The following MUC4 variants were observed in gnomAD, a reference collection of about 807,000 sequenced individuals.
MUC4 encodes the protein mucin 4, cell surface associated.
Under a neutral mutation model 257.9 loss-of-function variants are expected in MUC4, and 202 were observed. The ratio of observed to expected loss-of-function variants is 0.78; its 90% CI spans 0.70 to 0.88. The LOEUF is 0.88. MUC4 is among the 40% of genes least tolerant of loss of function. The probability of loss-of-function intolerance (pLI) is 0.00; values close to 1 mark genes in which losing one functional copy is unlikely to be tolerated. For synonymous variants in MUC4, 2,351 were observed against 2,757.1 expected, an observed-to-expected ratio of 0.85 and a Z score of 4.62; for missense variants, 5,976 against 6,513.7, an observed-to-expected ratio of 0.92 and a Z score of 2.84.
intron 1 of MUC4, among the ~76,000 whole-genome samples, chr3:195,803,820 G>A (rs1424227486): frequency 6.6e-6 from 1 of 152,202 alleles, no homozygotes; most frequent in African/African-American, 2.4e-5. Flanking sequence ...CGAGTGGATG[G>A]AGAGCTGAGG....
Position 195,778,298 on chromosome 3 carries a change from C to T in MUC4, c.12943+5G>A, listed in dbSNP as rs983067703. On this transcript the variant is annotated splice_donor_5th_base_variant and intron_variant, in intron 3 of 24. Coordinates refer to ENST00000463781, the MANE Select transcript of MUC4 (RefSeq NM_018406.7). ...AAGGCACAGGCCTCACCTGTATGGC[C>T]TCACCTCTCTCAGGCAGGATGGGGA... 31 of 1,607,294 alleles carry T rather than the reference C, an allele frequency of 1.9e-5. No homozygotes were observed. Among genetic ancestry groups the T allele is most frequent in the Non-Finnish European group, 2.5e-5 (29 of 1,177,742 alleles).
Position 195,790,994 on chromosome 3 carries a change from GAGA to G in MUC4, c.583_585del (p.Ser195del), listed in dbSNP as rs745492992. The stretch of plus-strand genomic sequence containing the variant: ...TGCGTGCTCCGAGTCCAGTGGTTCT[GAGA>G]AGAAGCTGATGTGTCTTGGATAGAG... On this transcript the variant is annotated inframe_deletion, in exon 2 of 25. Transcript: ENST00000463781. The G allele has an allele frequency of 1.0e-4, 164 of 1,613,874 alleles. No individual in the cohort carries two copies. The Middle Eastern group carries it at 2.0e-3, about 19-fold the overall frequency.
intron 1 of MUC4, among the ~76,000 whole-genome samples, chr3:195,794,328 G>A (rs1734274309): frequency 6.6e-6 from 1 of 150,870 alleles, no homozygotes; most frequent in Admixed American, 6.6e-5. Context: ...TAGTTCCCTA[G>A]CTGTTCTCAA....
At chr3:195,749,305 GTTTCCTAGGGAAA>G (rs1285538622) in intron 23 of MUC4, among the ~76,000 whole-genome samples, 2 of 69,804 alleles carry the variant, frequency 2.9e-5, no homozygotes, top group African/African-American at 2.0e-4. Flanking sequence ...TATGGAAAAA[GTTTCCTAGGGAAA>G]AAGGTTCCTA....
Position 195,791,154 on chromosome 3 carries a change from G to T in MUC4, c.426C>A (p.Thr142=). ...MMTSKTITMT[T]STDSTLGNTE... ...TGTTTCCAAGAGTGGAGTCTGTGGA[G>T]GTTGTCATTGTTATAGTCTTTGATG... Residue 142 remains threonine, a synonymous_variant, in exon 2 of 25, where the codon ACC becomes ACA. Transcript: ENST00000463781. 1 of 1,613,946 alleles carries T rather than the reference G, an allele frequency of 6.2e-7. No individual in the cohort carries two copies. Among genetic ancestry groups the T allele is most frequent in the Non-Finnish European group, 8.5e-7 (1 of 1,179,890 alleles).
intron 1 of MUC4, among the ~76,000 whole-genome samples, chr3:195,807,120 C>T (rs1736079773): frequency 6.6e-6 from 1 of 152,196 alleles, no homozygotes; most frequent in Non-Finnish European, 1.5e-5. Flanking sequence ...CACAAATGCC[C>T]AGTTCCTGAG....
intron 1 of MUC4, among the ~76,000 whole-genome samples, chr3:195,793,709 T>TA (rs1160743708): frequency 6.6e-6 from 1 of 152,122 alleles, no homozygotes; most frequent in African/African-American, 2.4e-5. Flanking sequence ...TTAACTGTGT[T>TA]AAACTCCATG....
intron 12 of MUC4, 24 bp downstream of exon 12, chr3:195,763,409 A>G: frequency 7.1e-7 from 1 of 1,401,544 alleles, no homozygotes. Context: ...GAATGCAGGG[A>G]GGTTCCCGGC....
chr3:195,765,074 C>T lies in MUC4; in HGVS notation c.13847G>A (p.Arg4616Gln), dbSNP rs1238610755. Residue 4616 changes from arginine (R) to glutamine (Q), a missense_variant, in exon 10 of 25, where the codon CGA (arginine) becomes CAA (glutamine). By Grantham distance (43) the Arg-to-Gln change is conservative. Around this residue, in one of 44 missense-constraint regions of MUC4, gnomAD observed 996 missense variants for 1,137.3 expected, o/e 0.88. Transcript: ENST00000463781. ...CCCGTAGCTGCAGCACACGCCTCCT[C>T]GCCAAGAGGTGAAGCTGCACAGCTG... ...SRQLCSFTSW[R>Q]GGVCCSYGPW... The T allele has an allele frequency of 6.8e-6, 11 of 1,613,768 alleles. No individual in the cohort carries two copies. Among genetic ancestry groups the T allele is most frequent in the Admixed American group, 3.3e-5 (2 of 60,010 alleles).
At position 195,782,054 on chromosome 3, in the gene MUC4, A is replaced by G; in HGVS notation, c.9526T>C (p.Ser3176Pro). The change falls in exon 2 of 25, where the codon TCA becomes CCA. Residue 3176 changes from serine (S) to proline (P), a missense_variant. This residue lies in a region of MUC4 where 128 missense variants were observed against 104.8 expected (regional missense o/e 1.22). Coordinates refer to ENST00000463781, the MANE Select transcript of MUC4 (RefSeq NM_018406.7). Reference sequence around the variant, plus strand: ...GGCGTGGTGTCACCTGTGGATACTGAGGAAAGGCTGGTGACAGGAAGAGGG... The same window carrying G: ...GGCGTGGTGTCACCTGTGGATACTGGGGAAAGGCTGGTGACAGGAAGAGGG... ...ATPLPVTSLS[S>P]VSTGDTTPLP... 1.4e-6 allele frequency: 2 copies of G among 1,424,608 alleles called. No individual in the cohort carries two copies. Among genetic ancestry groups the G allele is most frequent in the East Asian group, 3.3e-5 (1 of 30,046 alleles). 88.2% of individuals were successfully genotyped at this position (1,424,608 alleles called of 1,614,324 possible). A position where few individuals can be genotyped will look rare whatever the true frequency, so the allele number is the denominator to read the frequency against.
chr3:195,753,421 A>G (rs1716881750), intron 19 of MUC4, 191 bp from the exon 20 acceptor site: 3 of 587,352 alleles, frequency 5.1e-6, no homozygotes. Flanking sequence ...CCGGCCAGAC[A>G]GGTATTCTTC....
intron 7 of MUC4, among the ~76,000 whole-genome samples, chr3:195,768,144 T>C (rs1722030265): frequency 6.6e-6 from 1 of 152,130 alleles, no homozygotes; most frequent in East Asian, 1.9e-4. Flanking sequence ...CTTCCTTGGG[T>C]GTACCTGGAC....
intron 3 of MUC4, among the ~76,000 whole-genome samples, chr3:195,774,823 C>T (rs1448644433): frequency 6.7e-6 from 1 of 149,704 alleles, no homozygotes. Flanking sequence ...TTGCTTGAAC[C>T]CGGGAGGCTG....
chr3:195,778,718 C>T, intron 2 of MUC4, 72 bp downstream of exon 2: 1 of 1,467,320 alleles, frequency 6.8e-7, no homozygotes, highest in Non-Finnish European at 9.2e-7. Flanking sequence ...CCAGTGTTCT[C>T]AGGTACTCCT....
intron 7 of MUC4, among the ~76,000 whole-genome samples, chr3:195,767,459 A>ATCGT (rs1720825336): frequency 1.5e-5 from 1 of 68,662 alleles, no homozygotes; most frequent in Admixed American, 1.4e-4. Context: ...ACCACCACCA[A>ATCGT]CACTACCACC....
In MUC4 at chr3:195,765,467, G is replaced by T. The variant is rs746825578; in HGVS notation, c.13619-18C>A. The T allele has an allele frequency of 6.2e-7, 1 of 1,606,376 alleles. No homozygotes were observed. Among genetic ancestry groups the T allele is most frequent in the South Asian group, 1.1e-5 (1 of 90,298 alleles). ...TTGGAGGCCTGAGGTCGGGGATGGG[G>T]GGGAAAGGGCTTATCCAGGGCTGGG... On this transcript the variant is annotated intron_variant, in intron 8 of 24. Coordinates refer to ENST00000463781, the MANE Select transcript of MUC4 (RefSeq NM_018406.7).
chr3:195,785,467 G>A lies in MUC4; in HGVS notation c.6113C>T (p.Thr2038Ile). Residue 2038 changes from threonine (T) to isoleucine (I), a missense_variant, in exon 2 of 25, where the codon ACT (threonine) becomes ATT (isoleucine). Physicochemically the swap from Thr to Ile is moderately conservative, Grantham distance 89 (BLOSUM62 -1). This residue lies in a region of MUC4 where 85 missense variants were observed against 325.0 expected (regional missense o/e 0.26). Coordinates refer to ENST00000463781, the MANE Select transcript of MUC4 (RefSeq NM_018406.7). ...GDTTPLPVTDTSSASTGQDTP... is the reference protein window; with the variant it reads ...GDTTPLPVTDISSASTGQDTP... ...GTCCTGACCTGTGGATGCTGAGGAA[G>A]TATCGGTGACAGGAAGCGGCGTGGT... 2 of 1,516,088 alleles carry A rather than the reference G, an allele frequency of 1.3e-6. No homozygotes were observed. The highest frequency in any genetic ancestry group is 2.5e-5 in the East Asian group (1 of 39,898). 93.9% of individuals were successfully genotyped at this position (1,516,088 alleles called of 1,614,324 possible). A position where few individuals can be genotyped will look rare whatever the true frequency, so the allele number is the denominator to read the frequency against.
chr3:195,783,123 G>A lies in MUC4; in HGVS notation c.8457C>T (p.Val2819=), dbSNP rs1228481573. The change falls in exon 2 of 25, where the codon GTC becomes GTT. Residue 2819 remains valine, a synonymous_variant. Transcript: ENST00000463781. The stretch of plus-strand genomic sequence containing the variant: ...CTGTGAACACTGAGGAAGCGTCGGT[G>A]ACAGGAAGAGAGGTGGCGTGACCTG... ...VSTGHATSLP[V]TDASSVFTGH... is the part of the protein sequence containing the mutation. 1 of 1,288,822 alleles carries A rather than the reference G, an allele frequency of 7.8e-7. No homozygotes were observed. The highest frequency in any genetic ancestry group is 1.0e-6 in the Non-Finnish European group (1 of 967,880). 79.8% of individuals were successfully genotyped at this position (1,288,822 alleles called of 1,614,324 possible).
chr3:195,786,521 A>G lies in MUC4; in HGVS notation c.5059T>C (p.Ser1687Pro), dbSNP rs528462028. The change falls in exon 2 of 25, where the codon TCC becomes CCC. Residue 1687 changes from serine (S) to proline (P), a missense_variant. Around this residue, in one of 44 missense-constraint regions of MUC4, gnomAD observed 138 missense variants for 107.8 expected, o/e 1.28. Coordinates refer to ENST00000463781, the MANE Select transcript of MUC4 (RefSeq NM_018406.7). ...HATPLPVTGL[S>P]SATTDDTTRL... ...GTGGTGTCATCTGTGGTAGCTGAGG[A>G]AAGGCCGGTGACAGGAAGAGGGGTG... 42 of 1,524,414 alleles carry G rather than the reference A, an allele frequency of 2.8e-5. 1 individual carries two copies. The South Asian group carries it at 4.8e-4, about 18-fold the overall frequency. The allele number at this position is 1,524,414 out of a possible 1,614,324, so 94.4% of individuals were successfully genotyped here.
Sources: gnomAD v4.1 joint callset for allele counts (sites outside exome capture counted in the v4.1 genomes callset) on GRCh38, gnomAD v4.1.1 for gene constraint, gnomAD v4.1.1 regional missense constraint, MANE v1.5 for transcripts, NCBI Gene and HGNC (gene_info 2026-07-23, HGNC 2026-07-21) for gene names.